ATP13A5: variants seen among roughly 807,000 people sequenced by gnomAD.
The protein encoded by ATP13A5 is probable cation-transporting ATPase 13A5.
Under a neutral mutation model 150.2 loss-of-function variants are expected in ATP13A5, and 149 were observed. The observed-to-expected ratio is 0.99, with a 90% CI of 0.87 to 1.14. The LOEUF (loss-of-function observed/expected upper bound fraction) is 1.14. ATP13A5 is among the 50% of genes most tolerant of loss of function. The pLI is 0.00. For missense variants in ATP13A5, 1,383 were observed against 1,449.3 expected, an observed-to-expected ratio of 0.95 and a Z score of 0.74; for synonymous variants, 497 against 522.2, an observed-to-expected ratio of 0.95 and a Z score of 0.66.
Position 193,363,273 on chromosome 3 carries a change from G to C in ATP13A5, c.347C>G (p.Ser116Cys), listed in dbSNP as rs1238494460. 2.5e-6 allele frequency: 4 copies of C among 1,613,896 alleles called. No individual in the cohort carries two copies. Among genetic ancestry groups the C allele is most frequent in the Non-Finnish European group, 3.4e-6 (4 of 1,179,816 alleles). ...CTTTATTAAGGCTTGGTTTATGACA[G>C]AGTGGCGGTCAGCCACCAGGGATTC... ...WEESLVADRH[S>C]VINQALIKPE... Residue 116 changes from serine (S) to cysteine (C), a missense_variant, in exon 3 of 30, where the codon TCT becomes TGT. This residue lies in a region of ATP13A5 where 787 missense variants were observed against 771.9 expected (regional missense o/e 1.02). Transcript: ENST00000342358.
rs567641847 is a variant in ATP13A5, at chr3:193,318,227, G to A, written c.2033+764C>T. 7.9e-5 allele frequency among the ~76,000 whole-genome samples: 12 copies of A among 152,206 alleles called. No individual in the cohort carries two copies. The South Asian group carries it at 2.3e-3, about 29-fold the overall frequency. ...GTTGCAAATAATAATGTTAAACCAA[G>A]GATATCACTATTTTACATGAAGGAG... On this transcript the variant is annotated intron_variant, in intron 17 of 29. Coordinates refer to ENST00000342358, the MANE Select transcript of ATP13A5 (RefSeq NM_198505.4).
rs971502683 is a variant in ATP13A5 at position 193,325,142 on chromosome 3, C to T, written c.1524-128G>A. ...CAGAACCTTCCCATGGCTCCCTATG[C>T]TCCAAATGATAAAGTCCAAACCCCT... On this transcript the variant is annotated intron_variant, in intron 13 of 29. Transcript: ENST00000342358. 4 of 890,108 alleles carry T rather than the reference C, an allele frequency of 4.5e-6. No individual in the cohort carries two copies. In the African/African-American group the frequency reaches 6.7e-5, roughly 15 times the overall value. The allele number at this position is 890,108 out of a possible 1,614,324, so 55.1% of individuals were successfully genotyped here.
intron 7 of ATP13A5, among the ~76,000 whole-genome samples, chr3:193,350,033 T>C (rs1712504180): frequency 6.6e-6 from 1 of 152,072 alleles, no homozygotes; most frequent in African/African-American, 2.4e-5. Flanking sequence ...GTTGAATAAA[T>C]TATGATATAT....
At chr3:193,363,589 T>TCTGGGTG in intron 2 of ATP13A5, among the ~76,000 whole-genome samples, 1 of 152,328 alleles carries the variant, frequency 6.6e-6, no homozygotes, top group Admixed American at 6.5e-5. Context: ...CTTGTTTCAA[T>TCTGGGTG]GAGCCCTCCA....
intron 20 of ATP13A5, among the ~76,000 whole-genome samples, chr3:193,310,941 T>C (rs1718821474): frequency 6.6e-6 from 1 of 152,190 alleles, no homozygotes; most frequent in Non-Finnish European, 1.5e-5. Context: ...TCCCAGACTA[T>C]TTTTCCAAGA....
chr3:193,324,019 T>G (rs886716023), intron 14 of ATP13A5: 2 of 152,156 alleles, frequency 1.3e-5, no homozygotes, highest in Non-Finnish European at 2.9e-5. Context: ...CTCTTCATTG[T>G]GCTCAAAGCC....
In ATP13A5 at chr3:193,299,221, G is replaced by T. The variant is rs755764266; in HGVS notation, c.2776-18C>A. 3 of 1,594,732 alleles carry T rather than the reference G, an allele frequency of 1.9e-6. No individual in the cohort carries two copies. Among genetic ancestry groups the T allele is most frequent in the Non-Finnish European group, 2.6e-6 (3 of 1,167,366 alleles). On this transcript the variant is annotated intron_variant, in intron 24 of 29. Transcript: ENST00000342358. Reference sequence around the variant, plus strand: ...TGTAGTTGCTGAAAAAGAAACAAAAGCAAATATAAATGTGGCATCTGCCAT... The same window carrying T: ...TGTAGTTGCTGAAAAAGAAACAAAATCAAATATAAATGTGGCATCTGCCAT...
chr3:193,276,878 T>C (rs755917657), intron 28 of ATP13A5, 48 bp from the exon 29 acceptor site: 2 of 1,293,678 alleles, frequency 1.5e-6, no homozygotes, highest in Admixed American at 2.0e-5. Context: ...CTTCACACTT[T>C]GAAAAAAGAC....
At chr3:193,374,211 A>G (rs1176119309) in intron 1 of ATP13A5, among the ~76,000 whole-genome samples, 5 of 152,102 alleles carry the variant, frequency 3.3e-5, no homozygotes, top group Non-Finnish European at 5.9e-5. Flanking sequence ...CCTATCGGTC[A>G]TTGAGAACGT....
At chr3:193,310,750 T>C in intron 20 of ATP13A5, 33 bp from the exon 21 acceptor site, 1 of 1,534,614 alleles carries the variant, frequency 6.5e-7, no homozygotes, top group Non-Finnish European at 8.8e-7. Flanking sequence ...GCAATATGAT[T>C]GGGAAGAAGA....
At chr3:193,360,861 A>T (rs1419832531) in intron 5 of ATP13A5, among the ~76,000 whole-genome samples, 6 of 152,066 alleles carry the variant, frequency 3.9e-5, no homozygotes, top group Non-Finnish European at 8.8e-5. Flanking sequence ...ATTTTTAGTA[A>T]AGACGGAGTT....
Position 193,301,237 on chromosome 3 carries a change from A to G in ATP13A5, c.2749T>C (p.Phe917Leu). 1 of 1,613,462 alleles carries G rather than the reference A, an allele frequency of 6.2e-7. No homozygotes were observed. The highest frequency in any genetic ancestry group is 1.1e-5 in the South Asian group (1 of 91,044). ...CAATAGAGCAGTAATGCACTGATAA[A>G]CTGGATTATGCCGTACATGGTCAAG... is the stretch of plus-strand genomic sequence containing the variant. The part of the protein sequence containing the change: ...KYLTMYGIIQ[F>L]ISALLLYWQL... Residue 917 changes from phenylalanine to leucine, a missense_variant, in exon 24 of 30, where the codon TTT (phenylalanine) becomes CTT (leucine). Coordinates refer to ENST00000342358, the MANE Select transcript of ATP13A5 (RefSeq NM_198505.4).
At chr3:193,282,207 A>AATC (rs1298920437) in intron 27 of ATP13A5, among the ~76,000 whole-genome samples, 2 of 152,052 alleles carry the variant, frequency 1.3e-5, no homozygotes, top group Non-Finnish European at 2.9e-5. Context: ...TAATAATAAT[A>AATC]ATTAAAGTAC....
intron 14 of ATP13A5, among the ~76,000 whole-genome samples, chr3:193,324,447 A>C (rs1040042584): frequency 1.3e-5 from 2 of 152,196 alleles, no homozygotes; most frequent in Admixed American, 6.5e-5. Context: ...ACTGCTTTTG[A>C]CTACTGTTTC....
At chr3:193,311,795 A>T in intron 20 of ATP13A5, 21 bp downstream of exon 20, 1 of 1,612,900 alleles carries the variant, frequency 6.2e-7, no homozygotes, top group South Asian at 1.1e-5. Context: ...AAAACAAAAC[A>T]CTTCTTTCTT....
In ATP13A5 at chr3:193,357,079, G is replaced by C. The variant is rs866627274; in HGVS notation, c.537-2883C>G. Among the ~76,000 whole-genome samples, 7 of 152,202 alleles carry C rather than the reference G, an allele frequency of 4.6e-5. 1 individual carries two copies. The highest frequency in any genetic ancestry group is 1.7e-4 in the African/African-American group (7 of 41,448). ...TCCACCTGACTCGGCTTCCCAAAAT[G>C]CTGGGATTACAGGCATGAGCCACCA... On this transcript the variant is annotated intron_variant, in intron 5 of 29. Transcript: ENST00000342358.
In ATP13A5 at chr3:193,337,306, G is replaced by A. The variant is rs543251350; in HGVS notation, c.944-2207C>T. On this transcript the variant is annotated intron_variant, in intron 9 of 29. Coordinates refer to ENST00000342358, the MANE Select transcript of ATP13A5 (RefSeq NM_198505.4). ...CTTTTGGTGTTTTAGACATGAAGTC[G>A]TTGCCCATGCCTATGTCCTGAATGG... Among the ~76,000 whole-genome samples, 105 of 152,040 alleles carry A rather than the reference G, an allele frequency of 6.9e-4. 1 individual carries two copies. Among genetic ancestry groups the A allele is most frequent in the African/African-American group, 2.2e-3 (93 of 41,490 alleles).
chr3:193,308,590 T>G (rs1718711508), intron 21 of ATP13A5, among the ~76,000 whole-genome samples: 1 of 152,192 alleles, frequency 6.6e-6, no homozygotes, highest in East Asian at 1.9e-4. Flanking sequence ...TGGCTCCTTC[T>G]TTCAGGCTTA....
At chr3:193,371,585 G>A (rs1019196720) in intron 1 of ATP13A5, among the ~76,000 whole-genome samples, 6 of 152,298 alleles carry the variant, frequency 3.9e-5, no homozygotes, top group Middle Eastern at 3.4e-3. Context: ...GGCAGAATTC[G>A]GTTCCTTGCG....
Sources: allele counts gnomAD v4.1 joint callset (sites outside exome capture counted in the v4.1 genomes callset), GRCh38; gene constraint gnomAD v4.1.1; regional missense constraint gnomAD v4.1.1; transcripts MANE v1.5; gene names NCBI Gene and HGNC (gene_info 2026-07-23, HGNC 2026-07-21).